ERI1: variants seen among roughly 807,000 people sequenced by gnomAD.
The protein encoded by ERI1 is exoribonuclease 1.
Under a neutral mutation model 39.7 loss-of-function variants are expected in ERI1, and 39 were observed. That is an observed-to-expected ratio of 0.98 (90% CI 0.76 to 1.28). ERI1 has a LOEUF of 1.28. ERI1 is among the 50% of genes most tolerant of loss of function. The pLI, the probability that ERI1 is intolerant of heterozygous loss-of-function variation, is 0.00. For missense variants in ERI1, 581 were observed against 416.9 expected (o/e 1.39, Z -3.43); for synonymous variants, 204 against 149.6 (o/e 1.36, Z -2.65).
intron 3 of ERI1, among the ~76,000 whole-genome samples, chr8:9,046,625 C>G (rs1307080246): frequency 1.3e-5 from 2 of 152,194 alleles, no homozygotes; most frequent in African/African-American, 4.8e-5. Context: ...TATGAAATAT[C>G]AACTTTCTCC....
chr8:9,094,474 A>C (rs1435995319), intron 3 of ERI1, among the ~76,000 whole-genome samples: 1 of 151,976 alleles, frequency 6.6e-6, no homozygotes, highest in Non-Finnish European at 1.5e-5. Flanking sequence ...AACCCTCCCC[A>C]CCATCTGCCC....
chr8:9,057,022 G>C (rs1283688861), intron 3 of ERI1, among the ~76,000 whole-genome samples: 1 of 152,110 alleles, frequency 6.6e-6, no homozygotes, highest in Non-Finnish European at 1.5e-5. Flanking sequence ...TTATAGAGGT[G>C]GGGTTTCAAC....
In ERI1 at chr8:9,099,897, A is replaced by G. The variant is rs1292386348; in HGVS notation, n.300-16451A>G. ...GAATTGCTGAGTCATGTGGCAAACT[A>G]CCAGTTCTGTTGAACCTCAGGGCCA... is the stretch of plus-strand genomic sequence containing the variant. On this transcript the variant is annotated intron_variant and non_coding_transcript_variant, in intron 3 of 3. Transcript: ENST00000518663. The G allele has an allele frequency of 1.9e-3, 284 of 152,300 alleles. 1 individual carries two copies. Among genetic ancestry groups the G allele is most frequent in the African/African-American group, 6.2e-3 (257 of 41,570 alleles). The allele number at this position is 152,300 out of a possible 1,614,324, so 9.4% of individuals were successfully genotyped here.
intron 3 of ERI1, among the ~76,000 whole-genome samples, chr8:9,091,817 A>G (rs1799714473): frequency 6.6e-6 from 1 of 152,250 alleles, no homozygotes; most frequent in Non-Finnish European, 1.5e-5. Flanking sequence ...TGGATTTACA[A>G]TAGTATTTCA....
chr8:9,005,773 C>A (rs959039571), intron 1 of ERI1, among the ~76,000 whole-genome samples: 1 of 152,174 alleles, frequency 6.6e-6, no homozygotes, highest in Non-Finnish European at 1.5e-5. Context: ...GGATTACAGG[C>A]GTGAGCCAAC....
chr8:9,060,070 A>C (rs71514527), intron 3 of ERI1, among the ~76,000 whole-genome samples: 1 of 152,084 alleles, frequency 6.6e-6, no homozygotes, highest in Non-Finnish European at 1.5e-5. Context: ...TGAGCTTGGT[A>C]AGATGTGTCT....
chr8:9,055,035 CAG>C (rs1233638841), intron 3 of ERI1, among the ~76,000 whole-genome samples: 4 of 152,190 alleles, frequency 2.6e-5, no homozygotes, highest in African/African-American at 7.2e-5. Context: ...TTACATTTAA[CAG>C]AGTTTAATTG....
chr8:9,066,463 G>C (rs1798881659), intron 3 of ERI1, among the ~76,000 whole-genome samples: 1 of 152,166 alleles, frequency 6.6e-6, no homozygotes, highest in Admixed American at 6.5e-5. Flanking sequence ...CGGCCAGTGG[G>C]CACCTGATGA....
chr8:9,048,054 C>G (rs1320871107), intron 3 of ERI1, among the ~76,000 whole-genome samples: 2 of 152,212 alleles, frequency 1.3e-5, no homozygotes, highest in Non-Finnish European at 2.9e-5. Flanking sequence ...GAACCTAGGT[C>G]CCCCAGACTC....
chr8:9,050,598 G>T (rs889351664), intron 3 of ERI1, among the ~76,000 whole-genome samples: 1 of 152,086 alleles, frequency 6.6e-6, no homozygotes, highest in South Asian at 2.1e-4. Context: ...TCCTCATTGG[G>T]AACGTTTCAC....
chr8:9,005,912 T>C (rs1344637605), intron 1 of ERI1, among the ~76,000 whole-genome samples: 2 of 152,346 alleles, frequency 1.3e-5, no homozygotes, highest in East Asian at 3.9e-4. Context: ...ATATAAACCA[T>C]ACATCCACTT....
intron 2 of ERI1, among the ~76,000 whole-genome samples, chr8:9,010,457 A>T (rs1816543966): frequency 6.6e-6 from 1 of 152,244 alleles, no homozygotes; most frequent in African/African-American, 2.4e-5. Context: ...AAGAAACAAT[A>T]TTAAGACATT....
Position 9,047,414 on chromosome 8 carries a change from A to G in ERI1, n.299+26950A>G, listed in dbSNP as rs202043467. On this transcript the variant is annotated intron_variant and non_coding_transcript_variant, in intron 3 of 3. Transcript: ENST00000518663. ...GCCTAGCCAGTCAGCTGGCTGGCAG[A>G]TGCTTGCCACTAGGAGATGGGAAAT... is the stretch of plus-strand genomic sequence containing the variant. Among the ~76,000 whole-genome samples, 23 of 152,278 alleles carry G rather than the reference A, an allele frequency of 1.5e-4. 2 individuals carry two copies. The East Asian group carries it at 4.1e-3, about 27-fold the overall frequency.
chr8:9,086,977 C>T (rs1039049573), intron 3 of ERI1, among the ~76,000 whole-genome samples: 4 of 151,998 alleles, frequency 2.6e-5, no homozygotes, highest in East Asian at 1.9e-4. Flanking sequence ...TAGTGCTGGG[C>T]GGTAGGATTC....
chr8:9,064,015 G>A (rs1798786141), intron 3 of ERI1, among the ~76,000 whole-genome samples: 2 of 151,692 alleles, frequency 1.3e-5, no homozygotes, highest in South Asian at 2.1e-4. Context: ...TTACCCTCCA[G>A]AAAAGCAGGA....
At chr8:9,008,399 CTTA>C (rs1026211264) in intron 2 of ERI1, among the ~76,000 whole-genome samples, 8 of 152,190 alleles carry the variant, frequency 5.3e-5, no homozygotes, top group African/African-American at 1.4e-4. Context: ...GAGTCTCTGT[CTTA>C]TTATGACAAG....
chr8:9,062,300 C>T (rs1037893010), intron 3 of ERI1, among the ~76,000 whole-genome samples: 5 of 151,514 alleles, frequency 3.3e-5, no homozygotes, highest in Non-Finnish European at 1.5e-5. Context: ...TGCGGGGATA[C>T]GAGAGGAGAA....
chr8:9,089,464 C>T (rs556770114), intron 3 of ERI1, among the ~76,000 whole-genome samples: 1 of 152,240 alleles, frequency 6.6e-6, no homozygotes, highest in African/African-American at 2.4e-5. Context: ...ATGACTTGGA[C>T]ACAAGGGTTT....
chr8:9,084,008 T>C (rs948135517), intron 3 of ERI1, among the ~76,000 whole-genome samples: 4 of 152,172 alleles, frequency 2.6e-5, no homozygotes, highest in Admixed American at 2.6e-4. Context: ...TTAGCCAGGA[T>C]GGTCTCGATC....
Sources: gnomAD v4.1 joint callset for allele counts (sites outside exome capture counted in the v4.1 genomes callset) on GRCh38, gnomAD v4.1.1 for gene constraint, MANE v1.5 for transcripts, NCBI Gene and HGNC (gene_info 2026-07-23, HGNC 2026-07-21) for gene names.